ZNF138: variants seen among roughly 807,000 people sequenced by gnomAD.
The protein encoded by ZNF138 is zinc finger protein 138 (clone pHZ-32).
ZNF138 carries 33 observed loss-of-function variants against 33.0 expected under a neutral mutation model. The ratio of observed to expected loss-of-function variants is 1.00; its 90% CI spans 0.76 to 1.34. The LOEUF (loss-of-function observed/expected upper bound fraction) is 1.34. Among genes scored for constraint, ZNF138 ranks in the 40% most tolerant of loss-of-function variants. The pLI is 0.00. For missense variants in ZNF138, 360 were observed against 370.8 expected, an observed-to-expected ratio of 0.97 and a Z score of 0.24; for synonymous variants, 139 against 120.4, an observed-to-expected ratio of 1.15 and a Z score of -1.01.
chr7:64,843,763 T>A, the ZNF138 span, among the ~76,000 whole-genome samples: 1 of 152,208 alleles, frequency 6.6e-6, no homozygotes, highest in Non-Finnish European at 1.5e-5. Context: ...GCTTTTTAAT[T>A]TGAACTAATC....
the ZNF138 span, among the ~76,000 whole-genome samples, chr7:64,851,689 G>A: frequency 6.6e-6 from 1 of 151,960 alleles, no homozygotes; most frequent in Non-Finnish European, 1.5e-5. Context: ...TAATTACATT[G>A]CAAAAAGTAT....
downstream of ZNF138, among the ~76,000 whole-genome samples, chr7:64,838,492 C>A (rs535148854): frequency 6.6e-6 from 1 of 152,234 alleles, no homozygotes; most frequent in African/African-American, 2.4e-5. Context: ...CCTGCTGGGG[C>A]TCTTAGGGAA....
chr7:64,801,709 T>A (rs1181865651), intron 1 of ZNF138, among the ~76,000 whole-genome samples: 2 of 148,378 alleles, frequency 1.3e-5, no homozygotes, highest in Admixed American at 6.7e-5. Flanking sequence ...AGTTCTTTTT[T>A]AATTTGCTGC....
chr7:64,847,333 T>TAGA, the ZNF138 span, among the ~76,000 whole-genome samples: 1 of 90,940 alleles, frequency 1.1e-5, no homozygotes, highest in African/African-American at 4.6e-5. Context: ...TATATATATA[T>TAGA]TTTTTTTTTT....
intron 3 of ZNF138, chr7:64,831,164 A>T: frequency 6.7e-7 from 1 of 1,490,106 alleles, no homozygotes. Flanking sequence ...ATCGGGGAAC[A>T]GAAAGAGCTG....
At chr7:64,837,345 G>C (rs570272936), downstream of ZNF138, among the ~76,000 whole-genome samples, 48 of 152,132 alleles carry the variant, frequency 3.2e-4, no homozygotes, top group Non-Finnish European at 6.2e-4. Context: ...CTGATCTTCT[G>C]GGGTTATTAT....
intron 3 of ZNF138, among the ~76,000 whole-genome samples, chr7:64,820,278 A>C (rs1336230899): frequency 6.6e-6 from 1 of 151,564 alleles, no homozygotes; most frequent in African/African-American, 2.4e-5. Flanking sequence ...ATACCTTATA[A>C]GTGGAATCAT....
intron 1 of ZNF138, among the ~76,000 whole-genome samples, chr7:64,802,751 T>C (rs1168989132): frequency 6.6e-6 from 1 of 152,162 alleles, no homozygotes; most frequent in Non-Finnish European, 1.5e-5. Flanking sequence ...TCCCCCATCT[T>C]TTGCCCACAA....
downstream of ZNF138, among the ~76,000 whole-genome samples, chr7:64,837,855 C>T (rs891761376): frequency 6.6e-6 from 1 of 152,000 alleles, no homozygotes; most frequent in South Asian, 2.1e-4. Context: ...AAAGTGTTTA[C>T]TAAAGTAAGA....
At chr7:64,796,888 CA>C (rs1346284950) in intron 1 of ZNF138, among the ~76,000 whole-genome samples, 1 of 152,054 alleles carries the variant, frequency 6.6e-6, no homozygotes, top group Non-Finnish European at 1.5e-5. Context: ...ACTAAAAATA[CA>C]AAAATTAGAA....
chr7:64,798,464 G>C (rs187675356), intron 1 of ZNF138, among the ~76,000 whole-genome samples: 1 of 152,304 alleles, frequency 6.6e-6, no homozygotes, highest in Admixed American at 6.5e-5. Flanking sequence ...CTTATACATA[G>C]TGCTAGCTAG....
chr7:64,813,984 A>G, intron 1 of ZNF138: 1 of 1,101,650 alleles, frequency 9.1e-7, no homozygotes, highest in Non-Finnish European at 1.1e-6. Flanking sequence ...TTAATCTGGC[A>G]GCTGCCTTTC....
chr7:64,812,452 G>A (rs894748967), intron 1 of ZNF138, among the ~76,000 whole-genome samples: 6 of 152,060 alleles, frequency 3.9e-5, no homozygotes, highest in African/African-American at 1.4e-4. Flanking sequence ...GATCCACTGT[G>A]CCCAGCCTGA....
chr7:64,816,077 A>G lies in ZNF138; in HGVS notation c.208+424A>G, dbSNP rs150253094. Among the ~76,000 whole-genome samples the G allele has an allele frequency of 5.3e-3, 797 of 151,612 alleles. 8 individuals are homozygous for G. The highest frequency in any genetic ancestry group is 0.018 in the African/African-American group (758 of 41,340). On this transcript the variant is annotated intron_variant, in intron 3 of 3. Transcript: ENST00000307355. ...GTGGTTTTTTTGTTCATTTTTCTGC[A>G]TATTCCATTCTGTTTTTATTATAGT...
At chr7:64,799,174 T>G (rs1786940723) in intron 1 of ZNF138, among the ~76,000 whole-genome samples, 2 of 145,496 alleles carry the variant, frequency 1.4e-5, no homozygotes, top group Admixed American at 1.3e-4. Flanking sequence ...TTTTCTTTTC[T>G]TTTTTTTTTG....
At chr7:64,839,179 CG>C in the ZNF138 span, among the ~76,000 whole-genome samples, 1 of 152,172 alleles carries the variant, frequency 6.6e-6, no homozygotes, top group African/African-American at 2.4e-5. Flanking sequence ...AGTGTGCCTT[CG>C]GGGGGCCAGC....
intron 1 of ZNF138, among the ~76,000 whole-genome samples, chr7:64,811,146 CAG>C (rs1423044455): frequency 1.3e-5 from 2 of 151,930 alleles, no homozygotes; most frequent in African/African-American, 4.8e-5. Context: ...AAATCAGTGA[CAG>C]AGAAACAAAA....
chr7:64,808,830 T>C (rs1401351429), intron 1 of ZNF138, among the ~76,000 whole-genome samples: 1 of 133,592 alleles, frequency 7.5e-6, no homozygotes, highest in Non-Finnish European at 1.7e-5. Flanking sequence ...ACAAAGCACA[T>C]CTTGCACCGC....
At chr7:64,802,525 ATT>A (rs55700405) in intron 1 of ZNF138, among the ~76,000 whole-genome samples, 1 of 150,966 alleles carries the variant, frequency 6.6e-6, no homozygotes, top group Non-Finnish European at 1.5e-5. Context: ...AAATATTTTG[ATT>A]TTTTTTTTCT....
Sources: gnomAD v4.1 joint callset for allele counts (sites outside exome capture counted in the v4.1 genomes callset) on GRCh38, gnomAD v4.1.1 for gene constraint, MANE v1.5 for transcripts, NCBI Gene and HGNC (gene_info 2026-07-23, HGNC 2026-07-21) for gene names.